VCPIP1: variants seen among roughly 807,000 people sequenced by gnomAD.
VCPIP1 encodes the protein valosin containing protein interacting protein 1, also known as deubiquitinating protein VCPIP1.
A neutral mutation model predicts 85.0 loss-of-function variants in VCPIP1; 8 were observed. The observed-to-expected ratio is 0.09, with a 90% CI of 0.06 to 0.17. VCPIP1 has a LOEUF of 0.17. VCPIP1 is among the 10% of genes least tolerant of loss of function. The pLI, the probability that VCPIP1 is intolerant of heterozygous loss-of-function variation, is 1.00. For missense variants in VCPIP1, 1,070 were observed against 1,486.3 expected, an observed-to-expected ratio of 0.72 and a Z score of 4.61; for synonymous variants, 543 against 544.5, an observed-to-expected ratio of 1.00 and a Z score of 0.04.
chr8:66,637,949 G>A (rs1041154542), intron 2 of VCPIP1, among the ~76,000 whole-genome samples: 50 of 152,210 alleles, frequency 3.3e-4, no homozygotes, highest in African/African-American at 1.2e-3. Context: ...TCCAGCCAGG[G>A]CGACAGAGCG....
Position 66,629,270 on chromosome 8 carries a change from G to C in VCPIP1, c.*5231C>G, listed in dbSNP as rs1378660625. ...GAGGTCACAGAAAGCAGCGTACCAG[G>C]AGTCAGACCTAGGCAGTCTGGTGTC... On this transcript the variant is annotated 3_prime_UTR_variant, in exon 3 of 3. Coordinates refer to ENST00000310421, the MANE Select transcript of VCPIP1 (RefSeq NM_025054.5). The C allele has an allele frequency of 6.6e-6, 1 of 152,244 alleles. No individual in the cohort carries two copies. Among genetic ancestry groups the C allele is most frequent in the Admixed American group, 6.5e-5 (1 of 15,276 alleles). The allele number at this position is 152,244 out of a possible 1,614,324, so 9.4% of individuals were successfully genotyped here. A position where few individuals can be genotyped will look rare whatever the true frequency, so the allele number is the denominator to read the frequency against.
chr8:66,663,009 G>A, intron 1 of VCPIP1, among the ~76,000 whole-genome samples: 1 of 150,656 alleles, frequency 6.6e-6, no homozygotes, highest in Non-Finnish European at 1.5e-5. Context: ...GGAGGCTGAG[G>A]CAGGAGAATT....
intron 2 of VCPIP1, among the ~76,000 whole-genome samples, chr8:66,642,088 G>A (rs1015524066): frequency 3.3e-5 from 5 of 151,992 alleles, no homozygotes; most frequent in African/African-American, 7.2e-5. Flanking sequence ...CTACATTCTC[G>A]CCTACAATTC....
chr8:66,654,854 C>T (rs1385820327), intron 1 of VCPIP1, among the ~76,000 whole-genome samples: 1 of 152,208 alleles, frequency 6.6e-6, no homozygotes, highest in Non-Finnish European at 1.5e-5. Flanking sequence ...TAATGGTTCC[C>T]CAATGCCGTA....
At chr8:66,638,970 C>CTA (rs1554584185) in intron 2 of VCPIP1, among the ~76,000 whole-genome samples, 2,968 of 118,318 alleles carry the variant, frequency 0.025, 73 homozygotes, top group East Asian at 0.046. Flanking sequence ...CTCTCTCTCT[C>CTA]TATATATATA....
At chr8:66,652,555 G>C (rs1811064191) in intron 1 of VCPIP1, among the ~76,000 whole-genome samples, 1 of 151,950 alleles carries the variant, frequency 6.6e-6, no homozygotes, top group Admixed American at 6.6e-5. Context: ...GGAGGTTGCA[G>C]TGAGCTGAGA....
intron 1 of VCPIP1, among the ~76,000 whole-genome samples, chr8:66,663,363 G>A (rs1811176221): frequency 6.6e-6 from 1 of 152,052 alleles, no homozygotes; most frequent in Non-Finnish European, 1.5e-5. Context: ...TTTTCTCGTT[G>A]AAAGCTTTAA....
At chr8:66,640,999 G>A (rs1471554417) in intron 2 of VCPIP1, among the ~76,000 whole-genome samples, 1 of 152,156 alleles carries the variant, frequency 6.6e-6, no homozygotes, top group African/African-American at 2.4e-5. Context: ...AGATAAAAGG[G>A]CACACTGTTA....
chr8:66,629,446 C>G lies in VCPIP1; in HGVS notation c.*5055G>C, dbSNP rs1810812086. The G allele has an allele frequency of 6.6e-6, 1 of 152,194 alleles. No homozygotes were observed. Among genetic ancestry groups the G allele is most frequent in the Non-Finnish European group, 1.5e-5 (1 of 68,032 alleles). 9.4% of individuals were successfully genotyped at this position (152,194 alleles called of 1,614,324 possible). On this transcript the variant is annotated 3_prime_UTR_variant, in exon 3 of 3. Coordinates refer to ENST00000310421, the MANE Select transcript of VCPIP1 (RefSeq NM_025054.5). ...TGTATTTCCTTTCATTTCCTTATCA[C>G]TAACCAGTATTTTTTTAAACCACCA...
intron 2 of VCPIP1, among the ~76,000 whole-genome samples, chr8:66,638,970 C>CTCTCTATATA: frequency 4.2e-4 from 50 of 118,438 alleles, no homozygotes; most frequent in African/African-American, 5.8e-4. Context: ...CTCTCTCTCT[C>CTCTCTATATA]TATATATATA....
chr8:66,664,835 G>A lies in VCPIP1; in HGVS notation c.2124C>T (p.Asn708=), dbSNP rs1426884761. The A allele has an allele frequency of 2.5e-6, 4 of 1,613,768 alleles. No homozygotes were observed. The highest frequency in any genetic ancestry group is 2.2e-5 in the East Asian group (1 of 44,886). ...GAATAGTTCTTTCAGTTTTACTCAT[G>A]TTTAACTCCTCCTTGTGCAAAGTTT... ...KTKTLHKEEL[N]MSKTERTIQQ... Residue 708 remains asparagine, a synonymous_variant, in exon 1 of 3, where the codon AAC becomes AAT. Transcript: ENST00000310421.
intron 2 of VCPIP1, among the ~76,000 whole-genome samples, chr8:66,638,147 A>C (rs1199925764): frequency 6.6e-6 from 1 of 152,196 alleles, no homozygotes; most frequent in Non-Finnish European, 1.5e-5. Flanking sequence ...GAAAATGAAT[A>C]ACCTACAGTT....
At position 66,664,329 on chromosome 8, in the gene VCPIP1, G is replaced by A; in HGVS notation, c.2630C>T (p.Thr877Ile). 1 of 1,611,636 alleles carries A rather than the reference G, an allele frequency of 6.2e-7. No individual in the cohort carries two copies. Residue 877 changes from threonine (T) to isoleucine (I), a missense_variant, in exon 1 of 3, where the codon ACT (threonine) becomes ATT (isoleucine). Coordinates refer to ENST00000310421, the MANE Select transcript of VCPIP1 (RefSeq NM_025054.5). Reference sequence around the variant, plus strand: ...AAGTTCCTTAGATGACAGTTTACCAGTAACAGCAATATCTTCTTGTTTCAC... The same window carrying A: ...AAGTTCCTTAGATGACAGTTTACCAATAACAGCAATATCTTCTTGTTTCAC... ...HTVKQEDIAV[T>I]GKLSSKELQE...
chr8:66,659,323 C>A (rs1811133322), intron 1 of VCPIP1, among the ~76,000 whole-genome samples: 1 of 151,770 alleles, frequency 6.6e-6, no homozygotes, highest in African/African-American at 2.4e-5. Context: ...TTTGCAAAGC[C>A]AGAGTTAGTC....
chr8:66,638,596 G>A (rs552996509), intron 2 of VCPIP1, among the ~76,000 whole-genome samples: 66 of 151,868 alleles, frequency 4.3e-4, no homozygotes, highest in Admixed American at 1.7e-3. Context: ...TGGCTAACAC[G>A]GTGAAACCTC....
rs1810815215 is a variant in VCPIP1 at position 66,629,757 on chromosome 8, AG to A, written c.*4743del. 6.6e-6 allele frequency: 1 copy of A among 152,358 alleles called. No individual in the cohort carries two copies. The highest frequency in any genetic ancestry group is 2.4e-5 in the African/African-American group (1 of 41,432). 9.4% of individuals were successfully genotyped at this position (152,358 alleles called of 1,614,324 possible). The stretch of plus-strand genomic sequence containing the variant: ...CAGCTATTCAGGAGGCTGAGGTGGG[AG>A]GATCACTTGAGCCCAGGAGGTTGAG... On this transcript the variant is annotated 3_prime_UTR_variant, in exon 3 of 3. Coordinates refer to ENST00000310421, the MANE Select transcript of VCPIP1 (RefSeq NM_025054.5).
Position 66,664,778 on chromosome 8 carries a change from C to T in VCPIP1, c.2181G>A (p.Met727Ile). 1 of 1,612,506 alleles carries T rather than the reference C, an allele frequency of 6.2e-7. No individual in the cohort carries two copies. The highest frequency in any genetic ancestry group is 2.2e-5 in the East Asian group (1 of 44,878). ...QQNITEQASVMQKRKTEKLKQ... is the reference protein window; with the variant it reads ...QQNITEQASVIQKRKTEKLKQ... ...TTAACTTCTCTGTTTTCCGTTTCTG[C>T]ATTACAGAAGCCTGTTCCGTAATAT... The change falls in exon 1 of 3, where the codon ATG (methionine) becomes ATA (isoleucine). Residue 727 changes from methionine to isoleucine, a missense_variant. By Grantham distance (10) the Met-to-Ile change is conservative. Around this residue, in one of 8 missense-constraint regions of VCPIP1, gnomAD observed 278 missense variants for 298.5 expected, o/e 0.93. Transcript: ENST00000310421.
At chr8:66,639,948 C>T (rs534096771) in intron 2 of VCPIP1, among the ~76,000 whole-genome samples, 3 of 151,980 alleles carry the variant, frequency 2.0e-5, no homozygotes, top group South Asian at 2.1e-4. Context: ...TTGGGCCTTT[C>T]GGAGCATAGA....
chr8:66,636,940 T>C (rs1316549075), intron 2 of VCPIP1, among the ~76,000 whole-genome samples: 1 of 152,038 alleles, frequency 6.6e-6, no homozygotes, highest in East Asian at 1.9e-4. Flanking sequence ...GAAACAAATA[T>C]AAGTACTATG....
Sources: gnomAD v4.1 joint callset for allele counts (sites outside exome capture counted in the v4.1 genomes callset) on GRCh38, gnomAD v4.1.1 for gene constraint, gnomAD v4.1.1 regional missense constraint, MANE v1.5 for transcripts, NCBI Gene and HGNC (gene_info 2026-07-23, HGNC 2026-07-21) for gene names.